The following SLC39A11 variants were observed in gnomAD, a reference collection of about 807,000 sequenced individuals.
SLC39A11 encodes zinc transporter ZIP11.
In SLC39A11, 33 loss-of-function variants were observed where a neutral mutation model predicts 36.1. The observed-to-expected ratio is 0.91, with a 90% CI of 0.69 to 1.22. The LOEUF is 1.22. SLC39A11 is among the 50% of genes most tolerant of loss of function. SLC39A11 has a pLI of 0.00. For missense variants in SLC39A11, 432 were observed against 430.3 expected, an observed-to-expected ratio of 1.00 and a Z score of -0.03; for synonymous variants, 166 against 170.3, an observed-to-expected ratio of 0.97 and a Z score of 0.20.
At position 72,900,161 on chromosome 17, in the gene SLC39A11, G is replaced by GAA. The variant is rs762054119; in HGVS notation, c.430+47589_430+47590dup. On this transcript the variant is annotated intron_variant, in intron 5 of 9. Coordinates refer to ENST00000255559, the MANE Select transcript of SLC39A11 (RefSeq NM_139177.4). ...AAGAAAAAGAAAGAAAGAAAAGAAA[G>GAA]AAAGAAAGAAAGAAAGAAAGAAAGA... is the stretch of plus-strand genomic sequence containing the variant. Among the ~76,000 whole-genome samples, 22 of 54,026 alleles carry GAA rather than the reference G, an allele frequency of 4.1e-4. 5 individuals carry two copies. Among genetic ancestry groups the GAA allele is most frequent in the African/African-American group, 1.0e-3 (20 of 19,102 alleles). The allele number at this position is 54,026 out of a possible 152,430, so 35.4% of individuals were successfully genotyped here. A position where few individuals can be genotyped will look rare whatever the true frequency, so the allele number is the denominator to read the frequency against.
chr17:72,918,346 T>C (rs994137064), intron 5 of SLC39A11, among the ~76,000 whole-genome samples: 1 of 151,878 alleles, frequency 6.6e-6, no homozygotes, highest in Non-Finnish European at 1.5e-5. Flanking sequence ...GAGGTGGAGG[T>C]TGCAGTGAGC....
At chr17:72,932,229 A>C (rs1489243441) in intron 5 of SLC39A11, among the ~76,000 whole-genome samples, 1 of 151,952 alleles carries the variant, frequency 6.6e-6, no homozygotes, top group Non-Finnish European at 1.5e-5. Flanking sequence ...GCTGAGTCAG[A>C]ATTTAAATCC....
At chr17:72,649,409 A>G in intron 7 of SLC39A11, 141 bp from the exon 8 acceptor site, 1 of 671,178 alleles carries the variant, frequency 1.5e-6, no homozygotes, top group African/African-American at 1.8e-5. Flanking sequence ...GAGGAAGGAG[A>G]AAGGTCAGGA....
At chr17:73,067,363 G>A (rs2060026800) in intron 3 of SLC39A11, among the ~76,000 whole-genome samples, 1 of 152,202 alleles carries the variant, frequency 6.6e-6, no homozygotes, top group Non-Finnish European at 1.5e-5. Context: ...GAAGGCAGAT[G>A]TGATGACTTG....
chr17:72,743,962 A>G (rs2074824667), intron 6 of SLC39A11, among the ~76,000 whole-genome samples: 1 of 152,180 alleles, frequency 6.6e-6, no homozygotes, highest in South Asian at 2.1e-4. Flanking sequence ...ACAAACTTGA[A>G]CATAAGCACC....
At chr17:72,654,453 TC>T (rs1465778575) in intron 7 of SLC39A11, among the ~76,000 whole-genome samples, 1 of 152,192 alleles carries the variant, frequency 6.6e-6, no homozygotes, top group Non-Finnish European at 1.5e-5. Context: ...GACCCTGAGC[TC>T]CTATTCCAGG....
At chr17:72,717,152 G>A (rs188134576) in intron 7 of SLC39A11, among the ~76,000 whole-genome samples, 191 of 146,510 alleles carry the variant, frequency 1.3e-3, no homozygotes, top group African/African-American at 4.2e-3. Flanking sequence ...GTATATATAT[G>A]TATATACATA....
chr17:72,963,985 A>C (rs1568032373), intron 4 of SLC39A11, among the ~76,000 whole-genome samples: 1 of 152,252 alleles, frequency 6.6e-6, no homozygotes, highest in Admixed American at 6.5e-5. Context: ...TATAAGTTTT[A>C]GTCTTTTTTT....
chr17:73,083,442 T>C (rs960548000), intron 3 of SLC39A11, among the ~76,000 whole-genome samples: 1 of 152,178 alleles, frequency 6.6e-6, no homozygotes, highest in Non-Finnish European at 1.5e-5. Context: ...CGCAGGGCTA[T>C]AAAAACTGAA....
chr17:72,809,231 CT>C (rs2077362010), intron 6 of SLC39A11, among the ~76,000 whole-genome samples: 1 of 149,704 alleles, frequency 6.7e-6, no homozygotes, highest in Non-Finnish European at 1.5e-5. Flanking sequence ...CTCTCTCTTT[CT>C]TTCTGCCCTC....
intron 4 of SLC39A11, among the ~76,000 whole-genome samples, chr17:73,016,146 C>T (rs2058157037): frequency 6.6e-6 from 1 of 152,054 alleles, no homozygotes; most frequent in Non-Finnish European, 1.5e-5. Context: ...AAATACAGTA[C>T]TAGATATGAC....
intron 5 of SLC39A11, among the ~76,000 whole-genome samples, chr17:72,867,769 C>G (rs879535473): frequency 8.6e-4 from 130 of 151,496 alleles, no homozygotes; most frequent in Non-Finnish European, 1.4e-3. Flanking sequence ...CGCACACACA[C>G]ACACACACAC....
At chr17:72,985,770 A>G (rs2088697807) in intron 4 of SLC39A11, among the ~76,000 whole-genome samples, 1 of 152,180 alleles carries the variant, frequency 6.6e-6, no homozygotes, top group Non-Finnish European at 1.5e-5. Flanking sequence ...TCGATGCCCT[A>G]TCTCCCTGTG....
intron 5 of SLC39A11, among the ~76,000 whole-genome samples, chr17:72,854,457 C>T (rs1188031948): frequency 6.6e-6 from 1 of 152,024 alleles, no homozygotes; most frequent in African/African-American, 2.4e-5. Flanking sequence ...GGAGAAATCT[C>T]GTATCTATAA....
intron 6 of SLC39A11, among the ~76,000 whole-genome samples, chr17:72,807,856 C>T (rs909902094): frequency 6.6e-6 from 1 of 152,164 alleles, no homozygotes; most frequent in African/African-American, 2.4e-5. Context: ...GTCGTGGGAA[C>T]CCCTGATCTA....
chr17:72,836,578 C>T (rs906453858), intron 6 of SLC39A11, among the ~76,000 whole-genome samples: 3 of 151,966 alleles, frequency 2.0e-5, no homozygotes, highest in South Asian at 2.1e-4. Context: ...CAGGTTCAAG[C>T]GATTCACCTG....
intron 5 of SLC39A11, among the ~76,000 whole-genome samples, chr17:72,890,608 T>C (rs1160067252): frequency 1.3e-5 from 2 of 152,214 alleles, no homozygotes; most frequent in Non-Finnish European, 2.9e-5. Context: ...TATTCTATTT[T>C]AGACCCATTG....
intron 5 of SLC39A11, among the ~76,000 whole-genome samples, chr17:72,929,911 C>T (rs898502629): frequency 1.3e-5 from 2 of 152,164 alleles, no homozygotes; most frequent in Non-Finnish European, 2.9e-5. Context: ...ATGTGTTTGT[C>T]TGCCTCAATG....
intron 7 of SLC39A11, among the ~76,000 whole-genome samples, chr17:72,649,514 A>G (rs1172586584): frequency 6.6e-6 from 1 of 152,238 alleles, no homozygotes; most frequent in Admixed American, 6.5e-5. Context: ...CTCTGTCCTT[A>G]CAATGCTTTG....
Sources: allele counts gnomAD v4.1 joint callset (sites outside exome capture counted in the v4.1 genomes callset), GRCh38; gene constraint gnomAD v4.1.1; transcripts MANE v1.5; gene names NCBI Gene and HGNC (gene_info 2026-07-23, HGNC 2026-07-21).